The following IL1RAPL1 variants were observed in gnomAD, a reference collection of about 807,000 sequenced individuals.
IL1RAPL1 encodes the protein interleukin-1 receptor accessory protein-like 1.
A neutral mutation model predicts 48.4 loss-of-function variants in IL1RAPL1; 3 were observed. The observed-to-expected ratio is 0.06, with a 90% CI of 0.03 to 0.16. The LOEUF (loss-of-function observed/expected upper bound fraction) is 0.16, where lower values mean the gene tolerates loss of function less well. IL1RAPL1 is among the 10% of genes least tolerant of loss of function. The pLI is 1.00. For missense variants in IL1RAPL1, 349 were observed against 530.6 expected (o/e 0.66, Z 3.36); for synonymous variants, 185 against 187.7 (o/e 0.99, Z 0.12).
At chrX:28,594,447 C>A (rs1458074461) in intron 1 of IL1RAPL1, among the ~76,000 whole-genome samples, 1 of 111,236 alleles carries the variant, frequency 9.0e-6, no homozygotes, top group East Asian at 2.8e-4. Context: ...TTATAAAAGC[C>A]AAAGGTGATC....
At chrX:29,144,023 G>A (rs1348382425) in intron 2 of IL1RAPL1, among the ~76,000 whole-genome samples, 1 of 111,532 alleles carries the variant, frequency 9.0e-6, no homozygotes, top group Non-Finnish European at 1.9e-5. Flanking sequence ...CCATATTAGG[G>A]CACTTAACCT....
intron 2 of IL1RAPL1, among the ~76,000 whole-genome samples, chrX:29,131,578 C>T (rs1421231210): frequency 9.0e-6 from 1 of 111,153 alleles, no homozygotes; most frequent in African/African-American, 3.3e-5. Flanking sequence ...TAATCTGGCC[C>T]TCCAACCTTG....
At position 29,081,025 on chromosome X, in the gene IL1RAPL1, T is replaced by TCTCTCTC. The variant is rs56240244; in HGVS notation, c.83-201913_83-201912insCTCTCTC. Among the ~76,000 whole-genome samples, 38 of 44,589 alleles carry TCTCTCTC rather than the reference T, an allele frequency of 8.5e-4. 1 individual carries two copies. Among genetic ancestry groups the TCTCTCTC allele is most frequent in the African/African-American group, 1.3e-3 (21 of 15,840 alleles). The allele number at this position is 44,589 out of a possible 115,157, so 38.7% of individuals were successfully genotyped here. A position where few individuals can be genotyped will look rare whatever the true frequency, so the allele number is the denominator to read the frequency against. ...CTCTCTCTCTCTCTCTCTCTCTTTC[T>TCTCTCTC]TTTCTTTTCTTTTCTTTTCTTTTCT... On this transcript the variant is annotated intron_variant, in intron 2 of 10. Coordinates refer to ENST00000378993, the MANE Select transcript of IL1RAPL1 (RefSeq NM_014271.4).
At chrX:29,779,583 C>T (rs762637978) in intron 6 of IL1RAPL1, among the ~76,000 whole-genome samples, 4 of 110,652 alleles carry the variant, frequency 3.6e-5, no homozygotes, top group East Asian at 2.8e-4. Context: ...TGCCCATGTA[C>T]GCCCTGAACC....
chrX:28,687,532 C>T (rs1341930186), intron 1 of IL1RAPL1, among the ~76,000 whole-genome samples: 2 of 111,752 alleles, frequency 1.8e-5, no homozygotes, highest in Non-Finnish European at 3.8e-5. Context: ...CCTGTGATCC[C>T]AGCACTTTGG....
At chrX:29,802,781 ATGTGTGTG>A (rs1262811121) in intron 6 of IL1RAPL1, among the ~76,000 whole-genome samples, 635 of 32,565 alleles carry the variant, frequency 0.019, 21 homozygotes, top group Middle Eastern at 0.038. Flanking sequence ...ATATATATAT[ATGTGTGTG>A]TGTATATATA....
At chrX:29,741,280 T>C (rs188403051) in intron 6 of IL1RAPL1, among the ~76,000 whole-genome samples, 569 of 112,024 alleles carry the variant, frequency 5.1e-3, no homozygotes, top group Middle Eastern at 9.4e-3. Context: ...CTTAGTTCTA[T>C]TTGAGTCAAC....
intron 1 of IL1RAPL1, among the ~76,000 whole-genome samples, chrX:28,787,104 A>G (rs745564274): frequency 1.4e-4 from 16 of 112,359 alleles, no homozygotes; most frequent in Non-Finnish European, 2.6e-4. Flanking sequence ...TGATATTACC[A>G]AATTGATGCT....
chrX:29,001,307 G>A (rs1031923441), intron 2 of IL1RAPL1, among the ~76,000 whole-genome samples: 1 of 111,912 alleles, frequency 8.9e-6, no homozygotes, highest in Admixed American at 9.5e-5. Context: ...CTTAGAATAC[G>A]AGAGCTGGAA....
chrX:29,832,562 T>C (rs774246421), intron 6 of IL1RAPL1, among the ~76,000 whole-genome samples: 31 of 111,226 alleles, frequency 2.8e-4, no homozygotes, highest in Non-Finnish European at 5.3e-4. Flanking sequence ...GCCTAAGATC[T>C]TATCAAAGGA....
At chrX:28,635,099 GT>G (rs1206723066) in intron 1 of IL1RAPL1, among the ~76,000 whole-genome samples, 1 of 112,193 alleles carries the variant, frequency 8.9e-6, no homozygotes, top group East Asian at 2.8e-4. Flanking sequence ...CTCCTATAAT[GT>G]ACCTATTGCA....
chrX:29,803,546 T>C (rs1930168718), intron 6 of IL1RAPL1, among the ~76,000 whole-genome samples: 1 of 99,640 alleles, frequency 1.0e-5, no homozygotes, highest in Non-Finnish European at 2.0e-5. Context: ...CATATATGTA[T>C]ATGTGTGTAT....
At chrX:29,759,343 C>A (rs1021727716) in intron 6 of IL1RAPL1, among the ~76,000 whole-genome samples, 1 of 111,731 alleles carries the variant, frequency 9.0e-6, no homozygotes, top group African/African-American at 3.2e-5. Flanking sequence ...CAGTTAATGA[C>A]AACACTGCGT....
intron 5 of IL1RAPL1, among the ~76,000 whole-genome samples, chrX:29,643,416 G>C (rs186736483): frequency 8.9e-6 from 1 of 111,960 alleles, no homozygotes; most frequent in Non-Finnish European, 1.9e-5. Flanking sequence ...TTCATGCTAG[G>C]TTAATCATTG....
At chrX:29,635,338 A>C (rs1401734126) in intron 5 of IL1RAPL1, among the ~76,000 whole-genome samples, 1 of 112,077 alleles carries the variant, frequency 8.9e-6, no homozygotes, top group Admixed American at 9.5e-5. Flanking sequence ...GTGTTAGAGG[A>C]AGGTGATATA....
chrX:28,627,858 C>T (rs1289628325), intron 1 of IL1RAPL1, among the ~76,000 whole-genome samples: 1 of 110,161 alleles, frequency 9.1e-6, no homozygotes, highest in South Asian at 3.8e-4. Context: ...ACATCATTTT[C>T]TTTCTTTTTT....
At chrX:29,903,409 C>A (rs1932538001) in intron 6 of IL1RAPL1, among the ~76,000 whole-genome samples, 1 of 111,359 alleles carries the variant, frequency 9.0e-6, no homozygotes, top group Admixed American at 9.6e-5. Context: ...AAATTAAAAT[C>A]CCCCTACTAT....
At chrX:29,450,937 G>A (rs913037891) in intron 5 of IL1RAPL1, among the ~76,000 whole-genome samples, 2 of 109,998 alleles carry the variant, frequency 1.8e-5, no homozygotes, top group African/African-American at 3.3e-5. Context: ...CTAAGGTGCC[G>A]ATATCTGTGT....
intron 6 of IL1RAPL1, among the ~76,000 whole-genome samples, chrX:29,854,416 G>A (rs1218692893): frequency 9.0e-6 from 1 of 111,592 alleles, no homozygotes; most frequent in Non-Finnish European, 1.9e-5. Flanking sequence ...AAAAGCCACT[G>A]AAGGAATAAA....
Sources: allele counts gnomAD v4.1 joint callset (sites outside exome capture counted in the v4.1 genomes callset), GRCh38; gene constraint gnomAD v4.1.1; transcripts MANE v1.5; gene names NCBI Gene and HGNC (gene_info 2026-07-23, HGNC 2026-07-21).